Variants in PEAK1 observed in about 807,000 individuals in gnomAD.
PEAK1 encodes the protein inactive tyrosine-protein kinase PEAK1.
PEAK1 carries 54 observed loss-of-function variants against 124.7 expected under a neutral mutation model. That is an observed-to-expected ratio of 0.43 (90% CI 0.35 to 0.54). The LOEUF is 0.54. Among genes scored for constraint, PEAK1 ranks in the 20% least tolerant of loss-of-function variants. The pLI is 0.01. For synonymous variants in PEAK1, 719 were observed against 760.0 expected (o/e 0.95, Z 0.89); for missense variants, 2,046 against 2,134.5 (o/e 0.96, Z 0.82).
At chr15:77,400,202 T>C (rs2071247343) in intron 1 of PEAK1, among the ~76,000 whole-genome samples, 1 of 152,104 alleles carries the variant, frequency 6.6e-6, no homozygotes, top group African/African-American at 2.4e-5. Flanking sequence ...TGCACATTGT[T>C]TGGGGAAATG....
intron 1 of PEAK1, among the ~76,000 whole-genome samples, chr15:77,385,743 T>A (rs922812372): frequency 6.6e-6 from 1 of 152,012 alleles, no homozygotes; most frequent in African/African-American, 2.4e-5. Flanking sequence ...TAAAGAAGAG[T>A]CACATCATTT....
chr15:77,286,668 T>C (rs1224328604), intron 2 of PEAK1, among the ~76,000 whole-genome samples, 164 bp from the exon 3 acceptor site: 1 of 152,210 alleles, frequency 6.6e-6, no homozygotes, highest in Non-Finnish European at 1.5e-5. Context: ...GGTGTTTTAA[T>C]TGGTTAATAC....
intron 6 of PEAK1, among the ~76,000 whole-genome samples, chr15:77,228,739 CA>C: frequency 6.6e-6 from 1 of 151,986 alleles, no homozygotes; most frequent in Non-Finnish European, 1.5e-5. Flanking sequence ...GGTATGAAGA[CA>C]AATATATTAA....
At chr15:77,234,376 C>T (rs1223440624) in intron 6 of PEAK1, among the ~76,000 whole-genome samples, 2 of 151,958 alleles carry the variant, frequency 1.3e-5, no homozygotes, top group Non-Finnish European at 2.9e-5. Flanking sequence ...TTAATTTGGT[C>T]CTTTATTTTC....
chr15:77,247,451 T>G lies in PEAK1; in HGVS notation c.-115+4916A>C, dbSNP rs146719198. ...GTAATTATATGGGTCATATGGGGTT[T>G]TTAATTTTTTTTTTCTCTTTTTTCT... is the stretch of plus-strand genomic sequence containing the variant. On this transcript the variant is annotated intron_variant, in intron 6 of 9. Transcript: ENST00000682557. Among the ~76,000 whole-genome samples the G allele has an allele frequency of 4.3e-4, 65 of 151,128 alleles. 1 individual carries two copies. The East Asian group carries it at 0.012, about 29-fold the overall frequency.
intron 6 of PEAK1, among the ~76,000 whole-genome samples, chr15:77,224,231 A>G (rs1202137059): frequency 1.3e-5 from 2 of 151,986 alleles, no homozygotes; most frequent in East Asian, 3.8e-4. Flanking sequence ...CTTCTACTTT[A>G]TAACCTTGTA....
chr15:77,175,048 T>G (rs1344435629), intron 7 of PEAK1, among the ~76,000 whole-genome samples: 1 of 151,616 alleles, frequency 6.6e-6, no homozygotes, highest in Non-Finnish European at 1.5e-5. Flanking sequence ...TGGCTAGCCA[T>G]ATGTAGAAAG....
rs764379960 is a variant in PEAK1 at position 77,114,327 on chromosome 15, C to T, written c.5070G>A (p.Leu1690=). ...ACPSLVQRNT[L]LQNWLDIKRT... ...GCTTGATGTCTAGCCAGTTTTGGAG[C>T]AGGGTGTTCCTCTGTACTAGGCTAG... The change falls in exon 10 of 10, where the codon CTG becomes CTA. Residue 1690 remains leucine (L), a synonymous_variant. Transcript: ENST00000682557. 2 of 1,614,222 alleles carry T rather than the reference C, an allele frequency of 1.2e-6. No individual in the cohort carries two copies. The highest frequency in any genetic ancestry group is 1.3e-5 in the African/African-American group (1 of 75,058).
At chr15:77,356,194 A>G (rs2067507700) in intron 2 of PEAK1, among the ~76,000 whole-genome samples, 1 of 152,250 alleles carries the variant, frequency 6.6e-6, no homozygotes, top group Non-Finnish European at 1.5e-5. Flanking sequence ...GAGTAGCTAC[A>G]TGAGTATATG....
intron 8 of PEAK1, among the ~76,000 whole-genome samples, chr15:77,148,720 T>C (rs2054350764): frequency 6.6e-6 from 1 of 150,778 alleles, no homozygotes; most frequent in African/African-American, 2.4e-5. Context: ...AGTTTGAGAC[T>C]AGCCTGGGCA....
At chr15:77,119,675 G>A (rs943025515) in intron 9 of PEAK1, among the ~76,000 whole-genome samples, 3 of 152,094 alleles carry the variant, frequency 2.0e-5, no homozygotes, top group African/African-American at 7.2e-5. Flanking sequence ...ATCTTAGCAG[G>A]GAAACAGAGC....
chr15:77,200,287 C>T (rs186288023), intron 6 of PEAK1, among the ~76,000 whole-genome samples: 8 of 152,136 alleles, frequency 5.3e-5, no homozygotes, highest in South Asian at 2.1e-4. Context: ...TATAGTATAT[C>T]GTACATATAG....
chr15:77,158,452 G>T, intron 8 of PEAK1, 51 bp downstream of exon 8: 1 of 1,510,176 alleles, frequency 6.6e-7, no homozygotes, highest in Non-Finnish European at 9.2e-7. Context: ...CATTTGGCTA[G>T]TACAGAAAAA....
intron 2 of PEAK1, among the ~76,000 whole-genome samples, chr15:77,319,207 A>T (rs534918617): frequency 1.4e-4 from 22 of 152,108 alleles, no homozygotes; most frequent in Non-Finnish European, 2.2e-4. Flanking sequence ...AACAGGTGAA[A>T]TTCTGGCAAA....
chr15:77,355,875 GA>G, intron 2 of PEAK1: 1 of 985,336 alleles, frequency 1.0e-6, no homozygotes, highest in Non-Finnish European at 1.2e-6. Flanking sequence ...TACAGCCCTG[GA>G]AAAATGGAGA....
intron 2 of PEAK1, chr15:77,335,099 C>T (rs939204202): frequency 1.0e-6 from 1 of 985,322 alleles, no homozygotes; most frequent in African/African-American, 1.7e-5. Flanking sequence ...GATCTATAAA[C>T]AGTGTTCACA....
chr15:77,214,186 GAAT>G (rs1339268978), intron 6 of PEAK1, among the ~76,000 whole-genome samples: 7 of 152,132 alleles, frequency 4.6e-5, no homozygotes, highest in African/African-American at 1.4e-4. Context: ...CAGCTATCAT[GAAT>G]AATATTATTA....
rs78929731 is a variant in PEAK1, at chr15:77,295,387, T to C, written c.-602-8883A>G. Among the ~76,000 whole-genome samples the C allele has an allele frequency of 1.5e-3, 235 of 152,294 alleles. 5 individuals carry two copies. In the East Asian group the frequency reaches 0.044, roughly 28 times the overall value. Reference sequence around the variant, plus strand: ...AAAAAATCCTTATAGACTATTACAGTGAGAAGTGATCTTCACTTTTACTAG... The same window carrying C: ...AAAAAATCCTTATAGACTATTACAGCGAGAAGTGATCTTCACTTTTACTAG... On this transcript the variant is annotated intron_variant, in intron 2 of 9. Transcript: ENST00000682557.
chr15:77,181,142 A>G lies in PEAK1; in HGVS notation c.785T>C (p.Met262Thr), dbSNP rs1250561664. ...WDESDEELLA[M>T]EIRMRGQPRF... ...AGGTTGCCCTCTCATGCGAATCTCC[A>G]TGGCCAACAGCTCTTCATCACTCTC... Residue 262 changes from methionine (M) to threonine (T), a missense_variant, in exon 7 of 10, where the codon ATG becomes ACG. Transcript: ENST00000682557. 2 of 1,614,140 alleles carry G rather than the reference A, an allele frequency of 1.2e-6. No homozygotes were observed. Among genetic ancestry groups the G allele is most frequent in the African/African-American group, 1.3e-5 (1 of 75,042 alleles).
Sources: gnomAD v4.1 joint callset for allele counts (sites outside exome capture counted in the v4.1 genomes callset) on GRCh38, gnomAD v4.1.1 for gene constraint, MANE v1.5 for transcripts, NCBI Gene and HGNC (gene_info 2026-07-23, HGNC 2026-07-21) for gene names.